CYP26C1: variants seen among roughly 807,000 people sequenced by gnomAD.
CYP26C1 encodes the protein cytochrome P450 26C1.
In CYP26C1, 41 loss-of-function variants were observed where a neutral mutation model predicts 39.1. The ratio of observed to expected loss-of-function variants is 1.05; its 90% CI spans 0.82 to 1.36. The LOEUF (loss-of-function observed/expected upper bound fraction) is 1.36, where lower values mean the gene tolerates loss of function less well. Among genes scored for constraint, CYP26C1 ranks in the 40% most tolerant of loss-of-function variants. The pLI is 0.00. For synonymous variants in CYP26C1, 362 were observed against 350.8 expected (o/e 1.03, Z -0.36); for missense variants, 833 against 752.0 (o/e 1.11, Z -1.26).
Position 93,061,354 on chromosome 10 carries a change from C to A in CYP26C1, c.91C>A (p.His31Asn). Residue 31 changes from histidine to asparagine, a missense_variant, in exon 1 of 6, where the codon CAC becomes AAC. Transcript: ENST00000651965. ...GGGCCTGCTGCTCAGCCTGGCCCAG[C>A]ACCTCTGGACCCTCCGCTGGATGCT... Reference protein sequence around the residue: ...CAGLLLSLAQHLWTLRWMLSR... With the variant: ...CAGLLLSLAQNLWTLRWMLSR... 1 of 1,583,548 alleles carries A rather than the reference C, an allele frequency of 6.3e-7. No individual in the cohort carries two copies. Among genetic ancestry groups the A allele is most frequent in the Admixed American group, 1.8e-5 (1 of 56,000 alleles).
chr10:93,062,267 T>A, intron 2 of CYP26C1, 33 bp downstream of exon 2: 4 of 1,491,274 alleles, frequency 2.7e-6, no homozygotes, highest in Non-Finnish European at 2.7e-6. Context: ...CGTAGATACG[T>A]CGGATCCGCG....
chr10:93,063,907 C>T lies in CYP26C1; in HGVS notation c.706-474C>T, dbSNP rs1482689123. The T allele has an allele frequency of 1.0e-5, 10 of 986,674 alleles. No homozygotes were observed. In the East Asian group the frequency reaches 1.1e-3, roughly 111 times the overall value. 61.1% of individuals were successfully genotyped at this position (986,674 alleles called of 1,614,324 possible). A position where few individuals can be genotyped will look rare whatever the true frequency, so the allele number is the denominator to read the frequency against. On this transcript the variant is annotated intron_variant, in intron 3 of 5. Coordinates refer to ENST00000651965, the MANE Select transcript of CYP26C1 (RefSeq NM_183374.3). ...TTCCCTGAACTCTGGAGAGGCATCC[C>T]CTATTGCCCACGCTCTTACAGAGGC...
intron 5 of CYP26C1, among the ~76,000 whole-genome samples, chr10:93,067,945 G>A (rs576367802): frequency 9.7e-4 from 148 of 152,212 alleles, no homozygotes; most frequent in Admixed American, 2.3e-3. Flanking sequence ...CTAGAATTTA[G>A]GTCTCCTCAT....
At chr10:93,066,330 C>A in intron 5 of CYP26C1, 45 bp downstream of exon 5, 3 of 307,018 alleles carry the variant, frequency 9.8e-6, no homozygotes, top group Non-Finnish European at 1.3e-5. Flanking sequence ...TGCCTCCTGC[C>A]GCCTGCCGCC....
chr10:93,068,285 C>T, intron 5 of CYP26C1, 35 bp from the exon 6 acceptor site: 1 of 1,479,424 alleles, frequency 6.8e-7, no homozygotes, highest in African/African-American at 1.4e-5. Context: ...TTCCAGGTGC[C>T]TCGTGGTCAG....
Position 93,062,816 on chromosome 10 carries a change from G to T in CYP26C1, c.526G>T (p.Gly176Cys). Reference sequence around the variant, plus strand: ...TGAGGTGCGCTCCTGGTGCGCGGCGGGCGGGCCGGTCTCAGTCTACGACGC... The same window carrying T: ...TGAGGTGCGCTCCTGGTGCGCGGCGTGCGGGCCGGTCTCAGTCTACGACGC... ...RHEVRSWCAA[G>C]GPVSVYDASK... Residue 176 changes from glycine (G) to cysteine (C), a missense_variant, in exon 3 of 6, where the codon GGC (glycine) becomes TGC (cysteine). Physicochemically the swap from Gly to Cys is radical, Grantham distance 159. Transcript: ENST00000651965. 1 of 1,561,278 alleles carries T rather than the reference G, an allele frequency of 6.4e-7. No homozygotes were observed. The highest frequency in any genetic ancestry group is 2.3e-5 in the East Asian group (1 of 42,802).
intron 1 of CYP26C1, 46 bp downstream of exon 1, chr10:93,061,513 C>G (rs1431711220): frequency 1.2e-5 from 19 of 1,543,782 alleles, no homozygotes; most frequent in Non-Finnish European, 1.7e-5. Context: ...CCCTTCTTCC[C>G]CCGGCTCCCA....
chr10:93,063,240 GC>G (rs1488567081), intron 3 of CYP26C1: 2 of 1,243,866 alleles, frequency 1.6e-6, no homozygotes, highest in Non-Finnish European at 2.0e-6. Context: ...CGCGCCTGCC[GC>G]GACGCGCTCC....
rs777978211 is a variant in CYP26C1, at chr10:93,062,152, A to G, written c.347A>G (p.Gln116Arg). The G allele has an allele frequency of 1.3e-6, 2 of 1,542,164 alleles. No homozygotes were observed. Among genetic ancestry groups the G allele is most frequent in the Admixed American group, 3.9e-5 (2 of 51,004 alleles). ...GGCGAGCACCGCCTGGTGCGCAGCC[A>G]GTGGCCGCAGAGTGCGCACATCCTG... Reference protein sequence around the residue: ...LLGEHRLVRSQWPQSAHILLG... With the variant: ...LLGEHRLVRSRWPQSAHILLG... Residue 116 changes from glutamine (Q) to arginine (R), a missense_variant, in exon 2 of 6, where the codon CAG becomes CGG. Gln to Arg is a conservative substitution (Grantham distance 43). Transcript: ENST00000651965.
chr10:93,069,027 A>C lies in CYP26C1; in HGVS notation c.*330A>C. The C allele has an allele frequency of 3.8e-6, 1 of 260,124 alleles. No individual in the cohort carries two copies. 16.1% of individuals were successfully genotyped at this position (260,124 alleles called of 1,614,324 possible). ...TGCTTGGCTTCCCCTTCCCGAGCCA[A>C]TCCAGGGAGGGTGCATGGATGGGGG... On this transcript the variant is annotated 3_prime_UTR_variant, in exon 6 of 6. Transcript: ENST00000651965.
In CYP26C1 at chr10:93,068,633, A is replaced by G. The variant is rs1293203382; in HGVS notation, c.1505A>G (p.Asp502Gly). Residue 502 changes from aspartate to glycine, a missense_variant, in exon 6 of 6, where the codon GAC (aspartate) becomes GGC (glycine). Asp to Gly is a moderately conservative substitution (Grantham distance 94). Coordinates refer to ENST00000651965, the MANE Select transcript of CYP26C1 (RefSeq NM_183374.3). ...ACGGTGCCCATCGTGCACCCAGTGG[A>G]CGGGCTGCGGCTCTTTTTCCACCCC... Reference protein sequence around the residue: ...MQTVPIVHPVDGLRLFFHPLT... With the variant: ...MQTVPIVHPVGGLRLFFHPLT... 1.2e-6 allele frequency: 2 copies of G among 1,600,084 alleles called. No individual in the cohort carries two copies. The highest frequency in any genetic ancestry group is 1.7e-6 in the Non-Finnish European group (2 of 1,173,768).
intron 3 of CYP26C1, 171 bp downstream of exon 3, chr10:93,063,166 T>G: frequency 7.2e-7 from 1 of 1,393,124 alleles, no homozygotes; most frequent in Non-Finnish European, 9.3e-7. Flanking sequence ...CGGTGGGCTC[T>G]GGGCCTGGCC....
rs1846867683 is a variant in CYP26C1, at chr10:93,069,310, G to C, written c.*613G>C. 1 of 152,280 alleles carries C rather than the reference G, an allele frequency of 6.6e-6. No homozygotes were observed. The highest frequency in any genetic ancestry group is 2.4e-5 in the African/African-American group (1 of 41,464). The allele number at this position is 152,280 out of a possible 1,614,324, so 9.4% of individuals were successfully genotyped here. On this transcript the variant is annotated 3_prime_UTR_variant, in exon 6 of 6. Coordinates refer to ENST00000651965, the MANE Select transcript of CYP26C1 (RefSeq NM_183374.3). ...AAACTAGCAACTGTGGGCACTTCCAGGCTCGAAAGGGCTCAAGGTCACCGG... is the reference window on the plus strand; with the variant it reads ...AAACTAGCAACTGTGGGCACTTCCACGCTCGAAAGGGCTCAAGGTCACCGG...
Position 93,062,194 on chromosome 10 carries a change from T to C in CYP26C1, c.389T>C (p.Leu130Pro). Residue 130 changes from leucine (L) to proline (P), a missense_variant, in exon 2 of 6, where the codon CTG becomes CCG. Physicochemically the swap from Leu to Pro is moderately conservative, Grantham distance 98 (BLOSUM62 -3). Transcript: ENST00000651965. ...CACATCCTGCTGGGCTCGCACACAC[T>C]GCTAGGTGCGGTCGGCGAGCCGCAC... ...SAHILLGSHTLLGAVGEPHRR... is the reference protein window; with the variant it reads ...SAHILLGSHTPLGAVGEPHRR... 6.5e-7 allele frequency: 1 copy of C among 1,529,284 alleles called. No homozygotes were observed. Among genetic ancestry groups the C allele is most frequent in the Non-Finnish European group, 8.8e-7 (1 of 1,141,368 alleles). 94.7% of individuals were successfully genotyped at this position (1,529,284 alleles called of 1,614,324 possible). A position where few individuals can be genotyped will look rare whatever the true frequency, so the allele number is the denominator to read the frequency against.
chr10:93,066,251 G>A lies in CYP26C1; in HGVS notation c.1157G>A (p.Gly386Asp). 6.8e-7 allele frequency: 1 copy of A among 1,463,822 alleles called. No individual in the cohort carries two copies. The highest frequency in any genetic ancestry group is 9.0e-7 in the Non-Finnish European group (1 of 1,110,468). The allele number at this position is 1,463,822 out of a possible 1,614,324, so 90.7% of individuals were successfully genotyped here. The change falls in exon 5 of 6, where the codon GGC becomes GAC. Residue 386 changes from glycine to aspartate, a missense_variant. By Grantham distance (94) the Gly-to-Asp change is moderately conservative (BLOSUM62 -1). Coordinates refer to ENST00000651965, the MANE Select transcript of CYP26C1 (RefSeq NM_183374.3). ...VLRLLPPVSG[G>D]YRTALRTFEL... Reference sequence around the variant, plus strand: ...CGCCTCCTGCCGCCAGTGTCCGGGGGCTACCGCACCGCCCTGCGCACCTTC... The same window carrying A: ...CGCCTCCTGCCGCCAGTGTCCGGGGACTACCGCACCGCCCTGCGCACCTTC...
Position 93,064,495 on chromosome 10 carries a change from G to A in CYP26C1, c.820G>A (p.Ala274Thr), listed in dbSNP as rs1270206856. ...TGCCCTCGACCTAATCATTCACAGT[G>A]CAAGGGAGCTGGGCCATGAGCCCTC... Reference protein sequence around the residue: ...GDALDLIIHSARELGHEPSMQ... With the variant: ...GDALDLIIHSTRELGHEPSMQ... Residue 274 changes from alanine (A) to threonine (T), a missense_variant, in exon 4 of 6, where the codon GCA becomes ACA. Transcript: ENST00000651965. 1.2e-6 allele frequency: 2 copies of A among 1,614,114 alleles called. No homozygotes were observed. The highest frequency in any genetic ancestry group is 1.7e-6 in the Non-Finnish European group (2 of 1,180,000).
chr10:93,062,905 G>T lies in CYP26C1; in HGVS notation c.615G>T (p.Ala205=). Residue 205 remains alanine (A), a synonymous_variant, in exon 3 of 6, where the codon GCG becomes GCT. Coordinates refer to ENST00000651965, the MANE Select transcript of CYP26C1 (RefSeq NM_183374.3). ...TGCTGGGGTTGCGGCTGGACGAGGCGCAGTGCGCCACGCTGGCCCGGACCT... is the reference window on the plus strand; with the variant it reads ...TGCTGGGGTTGCGGCTGGACGAGGCTCAGTGCGCCACGCTGGCCCGGACCT... ...RILLGLRLDE[A]QCATLARTFE... 1.2e-6 allele frequency: 2 copies of T among 1,605,208 alleles called. No homozygotes were observed. Among genetic ancestry groups the T allele is most frequent in the Non-Finnish European group, 1.7e-6 (2 of 1,178,826 alleles).
chr10:93,061,329 G>C lies in CYP26C1; in HGVS notation c.66G>C (p.Ala22=), dbSNP rs751379382. The C allele has an allele frequency of 3.5e-5, 55 of 1,593,512 alleles. No individual in the cohort carries two copies. The highest frequency in any genetic ancestry group is 1.4e-4 in the South Asian group (12 of 87,592). The change falls in exon 1 of 6, where the codon GCG becomes GCC. Residue 22 remains alanine, a synonymous_variant. Transcript: ENST00000651965. ...LGAAGTALLC[A]GLLLSLAQHL... is the part of the protein sequence containing the mutation. ...CGGCGGGCACTGCTCTCCTGTGCGCGGGCCTGCTGCTCAGCCTGGCCCAGC... is the reference window on the plus strand; with the variant it reads ...CGGCGGGCACTGCTCTCCTGTGCGCCGGCCTGCTGCTCAGCCTGGCCCAGC...
intron 2 of CYP26C1, 56 bp downstream of exon 2, chr10:93,062,290 T>A (rs1296461360): frequency 3.4e-6 from 5 of 1,469,688 alleles, no homozygotes; most frequent in Non-Finnish European, 4.5e-6. Flanking sequence ...CCCCGGCATC[T>A]GCCATGGGCC....
Sources: gnomAD v4.1 joint callset for allele counts (sites outside exome capture counted in the v4.1 genomes callset) on GRCh38, gnomAD v4.1.1 for gene constraint, MANE v1.5 for transcripts, NCBI Gene and HGNC (gene_info 2026-07-23, HGNC 2026-07-21) for gene names.